Variants in KIF13A observed in about 807,000 individuals in gnomAD.
KIF13A encodes kinesin-like protein KIF13A.
KIF13A carries 79 observed loss-of-function variants against 212.2 expected under a neutral mutation model. That is an observed-to-expected ratio of 0.37 (90% CI 0.31 to 0.45). KIF13A has a LOEUF of 0.45. Ranked by LOEUF, KIF13A falls within the 20% of genes least tolerant of loss-of-function variation. The pLI, the probability that KIF13A is intolerant of heterozygous loss-of-function variation, is 1.00. For synonymous variants in KIF13A, 789 were observed against 808.6 expected (o/e 0.98, Z 0.41); for missense variants, 1,901 against 2,209.0 (o/e 0.86, Z 2.79).
At chr6:17,862,794 A>C (rs1308739212) in intron 4 of KIF13A, among the ~76,000 whole-genome samples, 3 of 152,042 alleles carry the variant, frequency 2.0e-5, no homozygotes, top group Non-Finnish European at 4.4e-5. Context: ...TAAAAATATA[A>C]AAAATTAGCT....
At chr6:17,906,046 T>C (rs1773467083) in intron 2 of KIF13A, among the ~76,000 whole-genome samples, 1 of 152,182 alleles carries the variant, frequency 6.6e-6, no homozygotes, top group Non-Finnish European at 1.5e-5. Flanking sequence ...TGGAAGACCT[T>C]TGAAACCTAT....
At chr6:17,943,370 G>C (rs1214072633) in intron 2 of KIF13A, among the ~76,000 whole-genome samples, 1 of 150,948 alleles carries the variant, frequency 6.6e-6, no homozygotes, top group African/African-American at 2.4e-5. Flanking sequence ...GTAAGCTTCA[G>C]AATCACCTGG....
At position 17,900,622 on chromosome 6, in the gene KIF13A, G is replaced by A. The variant is rs932416818; in HGVS notation, c.147-2442C>T. ...TAGAACAAGGACCCTTGCTACAGAA[G>A]GAAAAGTAAACCCTGTAGTGCATCA... On this transcript the variant is annotated intron_variant, in intron 2 of 38. Transcript: ENST00000259711. This position sits in a 1 kb window ranked among gnomAD's most constrained non-coding sequence, Gnocchi z 4.6. Among the ~76,000 whole-genome samples the A allele has an allele frequency of 2.0e-5, 3 of 152,158 alleles. No individual in the cohort carries two copies. Among genetic ancestry groups the A allele is most frequent in the African/African-American group, 7.2e-5 (3 of 41,418 alleles).
At chr6:17,977,295 T>G (rs1285829852) in intron 2 of KIF13A, among the ~76,000 whole-genome samples, 1 of 152,130 alleles carries the variant, frequency 6.6e-6, no homozygotes, top group Non-Finnish European at 1.5e-5. Context: ...CTCTCATACT[T>G]AAATATGGAA....
intron 2 of KIF13A, among the ~76,000 whole-genome samples, chr6:17,962,255 G>A (rs976902769): frequency 9.2e-5 from 14 of 151,960 alleles, no homozygotes; most frequent in African/African-American, 2.7e-4. Context: ...AGGTTGCAGC[G>A]AGCTGAGATT....
At chr6:17,875,332 A>G (rs769833874) in intron 3 of KIF13A, among the ~76,000 whole-genome samples, 1 of 152,120 alleles carries the variant, frequency 6.6e-6, no homozygotes, top group Non-Finnish European at 1.5e-5. Flanking sequence ...GAAATCATTA[A>G]TTCACTTTTA....
Position 17,799,458 on chromosome 6 carries a change from C to A in KIF13A, c.2617-19G>T. The A allele has an allele frequency of 6.7e-7, 1 of 1,488,444 alleles. No individual in the cohort carries two copies. Among genetic ancestry groups the A allele is most frequent in the South Asian group, 1.3e-5 (1 of 74,926 alleles). The allele number at this position is 1,488,444 out of a possible 1,614,324, so 92.2% of individuals were successfully genotyped here. A position where few individuals can be genotyped will look rare whatever the true frequency, so the allele number is the denominator to read the frequency against. On this transcript the variant is annotated intron_variant, in intron 21 of 38. Coordinates refer to ENST00000259711, the MANE Select transcript of KIF13A (RefSeq NM_022113.6). This position sits in a 1 kb window ranked among gnomAD's most constrained non-coding sequence, Gnocchi z 4.4. ...TTTTTACCTGAAGAGATAAACAATACAAATAAAACTCCAATGAACACTAAA... is the reference window on the plus strand; with the variant it reads ...TTTTTACCTGAAGAGATAAACAATAAAAATAAAACTCCAATGAACACTAAA...
chr6:17,946,130 A>T (rs553094025), intron 2 of KIF13A, among the ~76,000 whole-genome samples: 2 of 151,082 alleles, frequency 1.3e-5, no homozygotes, highest in East Asian at 1.9e-4. Context: ...TTAACCCTTT[A>T]AAAAAAATAG....
chr6:17,847,888 C>T lies in KIF13A; in HGVS notation c.830+1489G>A, dbSNP rs553258056. Among the ~76,000 whole-genome samples the T allele has an allele frequency of 5.3e-5, 8 of 152,002 alleles. No homozygotes were observed. The South Asian group carries it at 1.2e-3, about 24-fold the overall frequency. ...GTACAGTGGCGCGATCTCGGCTCAC[C>T]GCAACCTCTGTCTCCCGGGTTCAAG... is the stretch of plus-strand genomic sequence containing the variant. On this transcript the variant is annotated intron_variant, in intron 9 of 38. Coordinates refer to ENST00000259711, the MANE Select transcript of KIF13A (RefSeq NM_022113.6).
At position 17,883,514 on chromosome 6, in the gene KIF13A, G is replaced by A. The variant is rs189990910; in HGVS notation, c.160-10077C>T. ...ACAGCCAGGATAGCAGCACCCCAAC[G>A]ATACTTTGCCAAAGCCTCCATTTTT... On this transcript the variant is annotated intron_variant, in intron 3 of 38. Transcript: ENST00000259711. The surrounding 1 kb of genome is among the most constrained non-coding windows in gnomAD (Gnocchi z 4.8). Among the ~76,000 whole-genome samples the A allele has an allele frequency of 1.3e-5, 2 of 152,218 alleles. No homozygotes were observed. The highest frequency in any genetic ancestry group is 2.1e-4 in the South Asian group (1 of 4,816).
chr6:17,770,976 C>A, intron 38 of KIF13A, 138 bp downstream of exon 38: 1 of 607,032 alleles, frequency 1.6e-6, no homozygotes, highest in Non-Finnish European at 2.9e-6. Flanking sequence ...AATATCATTA[C>A]CAATGGTCAC....
At chr6:17,875,023 A>T in intron 3 of KIF13A, among the ~76,000 whole-genome samples, 1 of 150,084 alleles carries the variant, frequency 6.7e-6, no homozygotes, top group South Asian at 2.2e-4. Context: ...ACACACACAC[A>T]CAGCATGGTT....
intron 29 of KIF13A, among the ~76,000 whole-genome samples, chr6:17,782,051 C>T (rs1291751393): frequency 6.6e-6 from 1 of 152,078 alleles, no homozygotes; most frequent in East Asian, 1.9e-4. Flanking sequence ...GTTTTCCTGC[C>T]TCAACCTCCC....
At position 17,786,702 on chromosome 6, in the gene KIF13A, A is replaced by T. The variant is rs73722827; in HGVS notation, c.3362-1061T>A. On this transcript the variant is annotated intron_variant, in intron 27 of 38. Coordinates refer to ENST00000259711, the MANE Select transcript of KIF13A (RefSeq NM_022113.6). The surrounding 1 kb of genome is among the most constrained non-coding windows in gnomAD (Gnocchi z 5.4). ...TCATGAAAGGGATTTTATCTGATAT[A>T]CTTTGAAATCCTCTTATTCATAATT... Among the ~76,000 whole-genome samples, 167 of 152,312 alleles carry T rather than the reference A, an allele frequency of 1.1e-3. 2 individuals carry two copies. The highest frequency in any genetic ancestry group is 3.6e-3 in the African/African-American group (149 of 41,576).
intron 13 of KIF13A, among the ~76,000 whole-genome samples, chr6:17,830,267 C>T (rs1765326868): frequency 6.6e-6 from 1 of 152,172 alleles, no homozygotes; most frequent in Non-Finnish European, 1.5e-5. Context: ...TGCCTTTGCT[C>T]TCTCATTTTA....
Position 17,895,058 on chromosome 6 carries a change from C to G in KIF13A, c.159+3110G>C, listed in dbSNP as rs1772438743. ...ATCTATCTGCTGCTAAACCCTTGCA[C>G]TAAATTCTTAATTTCGGTTTTGGGT... is the stretch of plus-strand genomic sequence containing the variant. On this transcript the variant is annotated intron_variant, in intron 3 of 38. Coordinates refer to ENST00000259711, the MANE Select transcript of KIF13A (RefSeq NM_022113.6). This position sits in a 1 kb window ranked among gnomAD's most constrained non-coding sequence, Gnocchi z 4.4. Among the ~76,000 whole-genome samples, 1 of 152,166 alleles carries G rather than the reference C, an allele frequency of 6.6e-6. No homozygotes were observed. The highest frequency in any genetic ancestry group is 2.4e-5 in the African/African-American group (1 of 41,432).
rs77797791 is a variant in KIF13A, at chr6:17,778,392, C to G, written c.4092+555G>C. ...ACATTCCTCCTATTAATCAACACCT[C>G]CCCCAATAATGTCAACTATTGCTCC... On this transcript the variant is annotated intron_variant, in intron 33 of 38. Transcript: ENST00000259711. Among the ~76,000 whole-genome samples the G allele has an allele frequency of 3.2e-4, 49 of 152,168 alleles. No homozygotes were observed. The East Asian group carries it at 9.1e-3, about 28-fold the overall frequency.
chr6:17,876,487 C>T (rs1254139827), intron 3 of KIF13A, among the ~76,000 whole-genome samples: 1 of 152,184 alleles, frequency 6.6e-6, no homozygotes, highest in Non-Finnish European at 1.5e-5. Context: ...CTCCCAGAAG[C>T]ATTCTTGGTT....
chr6:17,875,981 C>T (rs1184485801), intron 3 of KIF13A, among the ~76,000 whole-genome samples: 2 of 152,162 alleles, frequency 1.3e-5, no homozygotes, highest in African/African-American at 4.8e-5. Context: ...AGAGACTTTT[C>T]AGAAATGAAG....
Sources: gnomAD v4.1 joint callset for allele counts (sites outside exome capture counted in the v4.1 genomes callset) on GRCh38, gnomAD v4.1.1 for gene constraint, Gnocchi (gnomAD v3.1) non-coding constraint, MANE v1.5 for transcripts, NCBI Gene and HGNC (gene_info 2026-07-23, HGNC 2026-07-21) for gene names.